Variants in SOX6 observed in about 807,000 individuals in gnomAD.
The protein encoded by SOX6 is SRY-box transcription factor 6, also known as transcription factor SOX-6.
Under a neutral mutation model 97.8 loss-of-function variants are expected in SOX6, and 11 were observed. The ratio of observed to expected loss-of-function variants is 0.11; its 90% CI spans 0.07 to 0.19. The LOEUF is 0.19. Among genes scored for constraint, SOX6 ranks in the 10% least tolerant of loss-of-function variants. The pLI is 1.00. For missense variants in SOX6, 810 were observed against 1,039.5 expected, an observed-to-expected ratio of 0.78 and a Z score of 3.04; for synonymous variants, 360 against 371.4, an observed-to-expected ratio of 0.97 and a Z score of 0.35.
chr11:16,732,678 CAA>C (rs1848359676), intron 2 of SOX6, among the ~76,000 whole-genome samples: 1 of 152,130 alleles, frequency 6.6e-6, no homozygotes, highest in Non-Finnish European at 1.5e-5. Flanking sequence ...TAAGCACAGG[CAA>C]AGACTTAATG....
intron 12 of SOX6, among the ~76,000 whole-genome samples, chr11:16,024,181 C>G (rs901687084): frequency 5.9e-5 from 9 of 152,060 alleles, no homozygotes; most frequent in Non-Finnish European, 1.3e-4. Context: ...ATCAAGACAG[C>G]CTCTATCTAC....
chr11:16,717,823 G>A (rs529234109), intron 2 of SOX6, among the ~76,000 whole-genome samples: 3 of 148,834 alleles, frequency 2.0e-5, no homozygotes, highest in East Asian at 2.0e-4. Context: ...TATTCTCCTC[G>A]TTTCCTTCAG....
At chr11:16,135,829 G>A (rs927457886) in intron 6 of SOX6, among the ~76,000 whole-genome samples, 2 of 152,132 alleles carry the variant, frequency 1.3e-5, no homozygotes, top group African/African-American at 2.4e-5. Context: ...TGGGTAAAAC[G>A]TTATCAAATA....
intron 15 of SOX6, among the ~76,000 whole-genome samples, chr11:15,983,468 T>A (rs1853733759): frequency 6.6e-6 from 1 of 152,160 alleles, no homozygotes; most frequent in Non-Finnish European, 1.5e-5. Flanking sequence ...GCATGTCTTT[T>A]CAAAATCAGC....
chr11:16,093,381 A>G (rs1326998331), intron 9 of SOX6, among the ~76,000 whole-genome samples: 1 of 151,998 alleles, frequency 6.6e-6, no homozygotes. Context: ...AATCTTCCTT[A>G]TTTTAAAGAA....
chr11:16,506,876 C>G (rs772688172), intron 4 of SOX6, among the ~76,000 whole-genome samples: 13 of 151,970 alleles, frequency 8.6e-5, no homozygotes, highest in Admixed American at 2.6e-4. Flanking sequence ...CCAGCCTGGT[C>G]AACATGGTGA....
intron 6 of SOX6, among the ~76,000 whole-genome samples, chr11:16,119,333 C>T (rs916086788): frequency 2.0e-5 from 3 of 152,194 alleles, no homozygotes; most frequent in Non-Finnish European, 4.4e-5. Context: ...TAACAGAAAC[C>T]CTTTTAGTCT....
At chr11:16,333,494 T>G (rs963308515) in intron 2 of SOX6, among the ~76,000 whole-genome samples, 2 of 152,078 alleles carry the variant, frequency 1.3e-5, no homozygotes, top group African/African-American at 4.8e-5. Flanking sequence ...GAACCACCTA[T>G]AGACTGAAAC....
At chr11:16,098,953 A>G (rs1848870806) in intron 7 of SOX6, among the ~76,000 whole-genome samples, 1 of 151,810 alleles carries the variant, frequency 6.6e-6, no homozygotes, top group South Asian at 2.1e-4. Flanking sequence ...AATGCTACTC[A>G]GCTGGCCCAA....
intron 6 of SOX6, among the ~76,000 whole-genome samples, chr11:16,143,384 C>A (rs976271546): frequency 1.2e-4 from 18 of 152,132 alleles, no homozygotes; most frequent in Non-Finnish European, 1.9e-4. Flanking sequence ...CTGGTACCAG[C>A]CACTGCAAAA....
intron 9 of SOX6, among the ~76,000 whole-genome samples, chr11:16,062,233 T>C (rs567874023): frequency 6.6e-6 from 1 of 151,758 alleles, no homozygotes; most frequent in Admixed American, 6.6e-5. Context: ...ACAGATAGTC[T>C]AGTTAATAAC....
intron 6 of SOX6, among the ~76,000 whole-genome samples, chr11:16,155,490 A>C (rs529069738): frequency 1.3e-5 from 2 of 152,254 alleles, no homozygotes; most frequent in African/African-American, 4.8e-5. Context: ...ATTAGATTAG[A>C]ATCTTGGCTA....
At chr11:16,261,964 A>G (rs746930371) in intron 3 of SOX6, among the ~76,000 whole-genome samples, 6 of 152,062 alleles carry the variant, frequency 3.9e-5, no homozygotes, top group Admixed American at 1.3e-4. Context: ...AAATGAAAAC[A>G]AATTATCAAC....
At chr11:16,162,002 C>A (rs1312489846) in intron 6 of SOX6, among the ~76,000 whole-genome samples, 1 of 152,140 alleles carries the variant, frequency 6.6e-6, no homozygotes, top group Non-Finnish European at 1.5e-5. Context: ...GGATTCTGTG[C>A]AATTATATAT....
chr11:16,133,780 C>A (rs1380354904), intron 6 of SOX6, among the ~76,000 whole-genome samples: 1 of 152,124 alleles, frequency 6.6e-6, no homozygotes, highest in African/African-American at 2.4e-5. Context: ...CCTCTGCCTC[C>A]CAGGTTCAAG....
intron 3 of SOX6, among the ~76,000 whole-genome samples, chr11:16,677,239 C>T (rs1212167267): frequency 6.6e-6 from 1 of 152,104 alleles, no homozygotes; most frequent in Non-Finnish European, 1.5e-5. Flanking sequence ...ATGCTGCTCC[C>T]ACTTGTACTA....
intron 12 of SOX6, among the ~76,000 whole-genome samples, chr11:16,044,672 C>A (rs1037229612): frequency 6.6e-5 from 10 of 152,130 alleles, no homozygotes; most frequent in Admixed American, 4.6e-4. Context: ...AGATACTAAA[C>A]AAAGCCTACA....
intron 4 of SOX6, among the ~76,000 whole-genome samples, chr11:16,547,643 G>A (rs1233106126): frequency 1.3e-5 from 2 of 151,986 alleles, no homozygotes; most frequent in South Asian, 2.1e-4. Context: ...TGATTGGGAG[G>A]GTGCAGAATG....
chr11:16,402,150 C>T (rs1012763782), intron 1 of SOX6, among the ~76,000 whole-genome samples: 2 of 151,484 alleles, frequency 1.3e-5, no homozygotes, highest in Non-Finnish European at 3.0e-5. Flanking sequence ...ACACTGTATT[C>T]ACTCTTTTTC....
Sources: gnomAD v4.1 joint callset for allele counts (sites outside exome capture counted in the v4.1 genomes callset) on GRCh38, gnomAD v4.1.1 for gene constraint, MANE v1.5 for transcripts, NCBI Gene and HGNC (gene_info 2026-07-23, HGNC 2026-07-21) for gene names.